MTMR3: variants seen among roughly 807,000 people sequenced by gnomAD.
MTMR3 encodes myotubularin related protein 3, also known as phosphatidylinositol-3,5-bisphosphate 3-phosphatase MTMR3.
MTMR3 carries 32 observed loss-of-function variants against 132.4 expected under a neutral mutation model. That is an observed-to-expected ratio of 0.24 (90% CI 0.18 to 0.32). The LOEUF (loss-of-function observed/expected upper bound fraction) is 0.32. Among genes scored for constraint, MTMR3 ranks in the 10% least tolerant of loss-of-function variants. The pLI is 1.00. For synonymous variants in MTMR3, 556 were observed against 550.3 expected, an observed-to-expected ratio of 1.01 and a Z score of -0.14; for missense variants, 1,216 against 1,489.6, an observed-to-expected ratio of 0.82 and a Z score of 3.02.
Position 30,002,944 on chromosome 22 carries a change from A to G in MTMR3, c.622A>G (p.Ser208Gly). Residue 208 changes from serine (S) to glycine (G), a missense_variant, in exon 9 of 20, where the codon AGT (serine) becomes GGT (glycine). Ser to Gly is a moderately conservative substitution (Grantham distance 56, BLOSUM62 0). Transcript: ENST00000401950. ...CTGGATCACTGACAAAGAACTGGAA[A>G]GTGTATCAAGTTTCAGGTCCTGGAA... is the stretch of plus-strand genomic sequence containing the variant. The part of the protein sequence containing the change: ...PAWITDKELE[S>G]VSSFRSWKRI... The G allele has an allele frequency of 6.2e-7, 1 of 1,614,102 alleles. No homozygotes were observed. The highest frequency in any genetic ancestry group is 8.5e-7 in the Non-Finnish European group (1 of 1,179,964).
At chr22:30,013,133 C>T (rs988786858) in intron 13 of MTMR3, 16 of 374,426 alleles carry the variant, frequency 4.3e-5, no homozygotes, top group Admixed American at 1.3e-4. Flanking sequence ...CTTAGATAAA[C>T]GCAGTCAGTA....
At chr22:29,992,195 C>T (rs962337005) in intron 7 of MTMR3, 2 of 152,486 alleles carry the variant, frequency 1.3e-5, no homozygotes, top group African/African-American at 4.8e-5. Context: ...ATTCCCCTGC[C>T]TCAGCCTCCT....
chr22:29,972,915 T>A (rs543852817), intron 3 of MTMR3, among the ~76,000 whole-genome samples: 2 of 152,362 alleles, frequency 1.3e-5, no homozygotes, highest in South Asian at 2.1e-4. Flanking sequence ...ATGTATGTTT[T>A]ATATAGTTAG....
At chr22:29,946,451 C>G (rs16988115) in intron 1 of MTMR3, among the ~76,000 whole-genome samples, 7,232 of 152,194 alleles carry the variant, frequency 0.048, 578 homozygotes, top group African/African-American at 0.16. Context: ...AAAGGCTTAT[C>G]ATTTCTGTGG....
At chr22:29,922,794 C>G (rs1182758881) in intron 1 of MTMR3, among the ~76,000 whole-genome samples, 1 of 152,054 alleles carries the variant, frequency 6.6e-6, no homozygotes, top group East Asian at 1.9e-4. Flanking sequence ...TCCACACAAC[C>G]CAGCCAGCAC....
At chr22:29,886,379 T>C (rs999048141) in intron 1 of MTMR3, among the ~76,000 whole-genome samples, 8 of 152,220 alleles carry the variant, frequency 5.3e-5, no homozygotes, top group Non-Finnish European at 4.4e-5. Flanking sequence ...CTTAAGTGTT[T>C]CAGATGTTAG....
At chr22:29,891,227 G>A (rs1239732987) in intron 1 of MTMR3, among the ~76,000 whole-genome samples, 1 of 151,730 alleles carries the variant, frequency 6.6e-6, no homozygotes, top group African/African-American at 2.4e-5. Context: ...AAATCAACAA[G>A]GATGATAATT....
chr22:29,917,732 C>G (rs373379613), intron 1 of MTMR3, among the ~76,000 whole-genome samples: 3 of 152,170 alleles, frequency 2.0e-5, no homozygotes, highest in African/African-American at 7.2e-5. Context: ...TTTCCACATT[C>G]TATTGCCATC....
Position 29,979,211 on chromosome 22 carries a change from G to A in MTMR3, c.210+159G>A, listed in dbSNP as rs996864160. 6 of 547,550 alleles carry A rather than the reference G, an allele frequency of 1.1e-5. No homozygotes were observed. The East Asian group carries it at 1.7e-4, about 16-fold the overall frequency. 33.9% of individuals were successfully genotyped at this position (547,550 alleles called of 1,614,324 possible). On this transcript the variant is annotated intron_variant, in intron 5 of 19. Transcript: ENST00000401950. ...TTTAGCACTCAAGGAACACTGGCTT[G>A]GCCAGGCGCGGTGGCTCACGCCTGT... is the stretch of plus-strand genomic sequence containing the variant.
intron 1 of MTMR3, among the ~76,000 whole-genome samples, chr22:29,895,789 C>T (rs910969314): frequency 6.6e-6 from 1 of 152,116 alleles, no homozygotes; most frequent in Non-Finnish European, 1.5e-5. Context: ...GTGACCATGA[C>T]CACTTTTTGG....
intron 1 of MTMR3, among the ~76,000 whole-genome samples, chr22:29,945,348 A>G (rs2065932003): frequency 6.6e-6 from 1 of 152,190 alleles, no homozygotes; most frequent in African/African-American, 2.4e-5. Context: ...AGCATTATAA[A>G]TAAGAATAAC....
At position 30,007,900 on chromosome 22, in the gene MTMR3, G is replaced by T; in HGVS notation, c.878-1G>T. On this transcript the variant is annotated splice_acceptor_variant, in intron 10 of 19. Coordinates refer to ENST00000401950, the MANE Select transcript of MTMR3 (RefSeq NM_021090.4). LOFTEE classifies it high-confidence loss of function. ...TATGCCCTCTCCCTCTGTGTCCCTA[G>T]ATTCTTCTCTGTCAAATGCTTCAGG... 1 of 1,613,668 alleles carries T rather than the reference G, an allele frequency of 6.2e-7. No individual in the cohort carries two copies. The highest frequency in any genetic ancestry group is 8.5e-7 in the Non-Finnish European group (1 of 1,179,942).
chr22:29,970,922 T>C, intron 2 of MTMR3, 54 bp from the exon 3 acceptor site: 1 of 770,640 alleles, frequency 1.3e-6, no homozygotes, highest in South Asian at 2.0e-5. Context: ...TTGCCAATTT[T>C]GCCTCCCCTC....
At chr22:29,946,458 G>C (rs1315248794) in intron 1 of MTMR3, among the ~76,000 whole-genome samples, 1 of 152,198 alleles carries the variant, frequency 6.6e-6, no homozygotes, top group East Asian at 1.9e-4. Context: ...TATCATTTCT[G>C]TGGGAAGGAC....
intron 1 of MTMR3, among the ~76,000 whole-genome samples, chr22:29,946,692 A>G (rs1416874164): frequency 2.0e-5 from 3 of 152,174 alleles, no homozygotes; most frequent in African/African-American, 4.8e-5. Flanking sequence ...CAGTATCTGT[A>G]TACCAAATGG....
chr22:29,932,210 A>T (rs1320608416), intron 1 of MTMR3, among the ~76,000 whole-genome samples: 1 of 152,214 alleles, frequency 6.6e-6, no homozygotes, highest in Non-Finnish European at 1.5e-5. Flanking sequence ...CCTAAATTAA[A>T]GCCTGGCAGC....
chr22:29,940,280 A>G (rs2065831757), intron 1 of MTMR3, among the ~76,000 whole-genome samples: 4 of 152,114 alleles, frequency 2.6e-5, no homozygotes, highest in Admixed American at 2.0e-4. Context: ...AAGAAAAAAA[A>G]ATACTTTGTA....
At chr22:29,910,103 G>T (rs2065180760) in intron 1 of MTMR3, among the ~76,000 whole-genome samples, 2 of 150,660 alleles carry the variant, frequency 1.3e-5, no homozygotes, top group South Asian at 4.2e-4. Flanking sequence ...GGCGGAGCTT[G>T]CAGTGAGCCG....
intron 16 of MTMR3, chr22:30,018,616 C>G (rs1391090793): frequency 2.0e-5 from 3 of 152,542 alleles, no homozygotes; most frequent in African/African-American, 7.2e-5. Flanking sequence ...GTGGCACATA[C>G]CTGTAGTCCC....
Sources: gnomAD v4.1 joint callset for allele counts (sites outside exome capture counted in the v4.1 genomes callset) on GRCh38, gnomAD v4.1.1 for gene constraint, MANE v1.5 for transcripts, NCBI Gene and HGNC (gene_info 2026-07-23, HGNC 2026-07-21) for gene names.